Variants in MARCHF4 observed in about 807,000 individuals in gnomAD.
MARCHF4 encodes membrane associated ring-CH-type finger 4.
Under a neutral mutation model 43.9 loss-of-function variants are expected in MARCHF4, and 14 were observed. That is an observed-to-expected ratio of 0.32 (90% confidence interval 0.21 to 0.50). The LOEUF is 0.50. Ranked by LOEUF, MARCHF4 falls within the 20% of genes least tolerant of loss-of-function variation. The pLI is 0.98. For missense variants in MARCHF4, 468 were observed against 536.7 expected (o/e 0.87, Z 1.27); for synonymous variants, 226 against 213.3 (o/e 1.06, Z -0.52).
intron 1 of MARCHF4, among the ~76,000 whole-genome samples, chr2:216,331,040 A>G (rs893127918): frequency 6.6e-6 from 1 of 152,152 alleles, no homozygotes; most frequent in Admixed American, 6.5e-5. Context: ...GTAATGAAAT[A>G]GAAAACAAAT....
At chr2:216,276,151 G>T (rs1329025013) in intron 3 of MARCHF4, among the ~76,000 whole-genome samples, 2 of 152,236 alleles carry the variant, frequency 1.3e-5, no homozygotes, top group Non-Finnish European at 2.9e-5. Flanking sequence ...ATGTCTTATA[G>T]GACACATCAG....
intron 3 of MARCHF4, among the ~76,000 whole-genome samples, chr2:216,264,384 T>C (rs1382319717): frequency 6.6e-6 from 1 of 152,186 alleles, no homozygotes; most frequent in Admixed American, 6.5e-5. Context: ...AAGAGACTTC[T>C]TTTCTGTCCC....
chr2:216,339,164 A>G (rs1467078835), intron 1 of MARCHF4, among the ~76,000 whole-genome samples: 3 of 152,230 alleles, frequency 2.0e-5, no homozygotes, highest in African/African-American at 7.2e-5. Context: ...GTTTGAGAGG[A>G]CAGACCTAGT....
intron 1 of MARCHF4, among the ~76,000 whole-genome samples, chr2:216,365,168 A>G (rs971346069): frequency 2.0e-5 from 3 of 152,200 alleles, no homozygotes; most frequent in Non-Finnish European, 2.9e-5. Context: ...TTCTCATTGC[A>G]TCTTAGGATC....
chr2:216,305,975 C>A (rs549980095), intron 1 of MARCHF4, among the ~76,000 whole-genome samples: 59 of 152,270 alleles, frequency 3.9e-4, no homozygotes, highest in South Asian at 2.3e-3. Flanking sequence ...TAACCACACC[C>A]CACCCCTCCT....
At chr2:216,319,721 G>A (rs759236959) in intron 1 of MARCHF4, among the ~76,000 whole-genome samples, 4 of 152,092 alleles carry the variant, frequency 2.6e-5, no homozygotes, top group Admixed American at 6.5e-5. Flanking sequence ...GCTGAAACTG[G>A]TAATGGGAGA....
chr2:216,324,277 T>A (rs1219435058), intron 1 of MARCHF4, among the ~76,000 whole-genome samples: 6 of 147,468 alleles, frequency 4.1e-5, no homozygotes, highest in Non-Finnish European at 9.0e-5. Context: ...AGAAGTTGAA[T>A]CTCTGAATAG....
chr2:216,308,729 G>A (rs750871216), intron 1 of MARCHF4, among the ~76,000 whole-genome samples: 57 of 152,280 alleles, frequency 3.7e-4, no homozygotes, highest in African/African-American at 1.0e-3. Flanking sequence ...TGACGTATGC[G>A]TGCTGCCCAG....
chr2:216,293,150 GCT>G (rs2105945763), intron 1 of MARCHF4, among the ~76,000 whole-genome samples: 1 of 152,204 alleles, frequency 6.6e-6, no homozygotes, highest in East Asian at 1.9e-4. Context: ...CGTGTGAGCA[GCT>G]CTTTGTTTTC....
intron 1 of MARCHF4, among the ~76,000 whole-genome samples, chr2:216,312,709 G>A (rs907507669): frequency 6.3e-5 from 9 of 143,790 alleles, no homozygotes; most frequent in African/African-American, 2.3e-4. Context: ...GTCTATTCAT[G>A]CCCTTTGCCC....
intron 1 of MARCHF4, among the ~76,000 whole-genome samples, chr2:216,344,799 T>G (rs1024697884): frequency 6.6e-6 from 1 of 151,446 alleles, no homozygotes; most frequent in African/African-American, 2.4e-5. Context: ...GTGAGCTGTG[T>G]GGGTGCGAGC....
intron 1 of MARCHF4, among the ~76,000 whole-genome samples, chr2:216,364,164 C>A (rs546724133): frequency 2.6e-5 from 4 of 152,198 alleles, no homozygotes; most frequent in East Asian, 1.9e-4. Flanking sequence ...CCCTGTGGAC[C>A]CTTTCTTCTG....
intron 1 of MARCHF4, among the ~76,000 whole-genome samples, chr2:216,318,971 G>A (rs1338913833): frequency 6.6e-6 from 1 of 152,058 alleles, no homozygotes; most frequent in Non-Finnish European, 1.5e-5. Flanking sequence ...AAGAATTTGT[G>A]ATTGCTGAAA....
chr2:216,308,362 C>T (rs113770243), intron 1 of MARCHF4, among the ~76,000 whole-genome samples: 11,147 of 152,154 alleles, frequency 0.073, 543 homozygotes, highest in South Asian at 0.2. Flanking sequence ...CATGATGGTG[C>T]CACTGCACTC....
chr2:216,290,318 C>G (rs1691289176), intron 1 of MARCHF4, among the ~76,000 whole-genome samples: 1 of 152,038 alleles, frequency 6.6e-6, no homozygotes, highest in Admixed American at 6.5e-5. Context: ...GCATTCCAGA[C>G]AGAGGGAATA....
intron 1 of MARCHF4, among the ~76,000 whole-genome samples, chr2:216,365,434 A>G (rs898303950): frequency 1.3e-5 from 2 of 152,300 alleles, no homozygotes; most frequent in Middle Eastern, 3.4e-3. Flanking sequence ...ACCCACTGCT[A>G]GGCACTCCAC....
At chr2:216,287,627 C>G (rs1574464533) in intron 1 of MARCHF4, among the ~76,000 whole-genome samples, 1 of 113,990 alleles carries the variant, frequency 8.8e-6, no homozygotes, top group South Asian at 2.9e-4. Flanking sequence ...ATCACACACC[C>G]GGGACTGTTG....
chr2:216,283,494 G>A, intron 2 of MARCHF4, 80 bp downstream of exon 2: 1 of 1,476,090 alleles, frequency 6.8e-7, no homozygotes, highest in Non-Finnish European at 9.1e-7. Flanking sequence ...CTGAATCTAA[G>A]GTGAAGTAAG....
At chr2:216,357,886 G>T (rs568120465) in intron 1 of MARCHF4, among the ~76,000 whole-genome samples, 53 of 152,272 alleles carry the variant, frequency 3.5e-4, no homozygotes, top group African/African-American at 1.2e-3. Context: ...GGCAATGGTT[G>T]GGTATATTTA....
Sources: gnomAD v4.1 joint callset for allele counts (sites outside exome capture counted in the v4.1 genomes callset) on GRCh38, gnomAD v4.1.1 for gene constraint, MANE v1.5 for transcripts, NCBI Gene and HGNC (gene_info 2026-07-23, HGNC 2026-07-21) for gene names.